Variants in REXO5 observed in about 807,000 individuals in gnomAD.
REXO5 encodes RNA exonuclease 5.
A neutral mutation model predicts 88.5 loss-of-function variants in REXO5; 48 were observed. That is an observed-to-expected ratio of 0.54 (90% confidence interval 0.43 to 0.69). The LOEUF is 0.69. REXO5 is among the 30% of genes least tolerant of loss of function. The probability of loss-of-function intolerance (pLI) is 0.00; values close to 1 mark genes in which losing one functional copy is unlikely to be tolerated. For synonymous variants in REXO5, 311 were observed against 336.5 expected (o/e 0.92, Z 0.83); for missense variants, 749 against 912.2 (o/e 0.82, Z 2.30).
intron 13 of REXO5, among the ~76,000 whole-genome samples, chr16:20,833,970 G>A (rs983886905): frequency 1.3e-5 from 2 of 152,020 alleles, no homozygotes; most frequent in African/African-American, 4.8e-5. Context: ...CATTTCTAGG[G>A]TCATGTATTA....
chr16:20,825,725 G>A, intron 7 of REXO5, 108 bp from the exon 8 acceptor site: 2 of 736,320 alleles, frequency 2.7e-6, no homozygotes, highest in Admixed American at 2.7e-5. Flanking sequence ...TGCCATTGCT[G>A]CAGGGACCCT....
At chr16:20,842,477 T>C (rs941064622) in intron 15 of REXO5, among the ~76,000 whole-genome samples, 2 of 134,926 alleles carry the variant, frequency 1.5e-5, no homozygotes, top group African/African-American at 5.4e-5. Flanking sequence ...CCCTTTGTTT[T>C]GTTTGTTTTT....
intron 5 of REXO5, 58 bp downstream of exon 5, chr16:20,816,270 G>C: frequency 7.2e-7 from 1 of 1,391,142 alleles, no homozygotes; most frequent in Non-Finnish European, 1.0e-6. Flanking sequence ...GGATATGATT[G>C]TAAGTAGGTT....
At chr16:20,840,118 G>C in intron 14 of REXO5, 2 of 523,736 alleles carry the variant, frequency 3.8e-6, no homozygotes, top group East Asian at 5.8e-5. Flanking sequence ...TGTTTTTAAT[G>C]GCTACATAGT....
chr16:20,820,073 T>C (rs1038710677), intron 5 of REXO5, among the ~76,000 whole-genome samples: 3 of 152,166 alleles, frequency 2.0e-5, no homozygotes, highest in African/African-American at 4.8e-5. Flanking sequence ...TTTTTACAAA[T>C]CTTTGAGGTT....
intron 5 of REXO5, among the ~76,000 whole-genome samples, chr16:20,820,531 T>C (rs2081157813): frequency 7.8e-5 from 1 of 12,784 alleles, no homozygotes; most frequent in Non-Finnish European, 1.7e-4. Flanking sequence ...TATATATATA[T>C]ATATATATAT....
intron 8 of REXO5, among the ~76,000 whole-genome samples, chr16:20,826,239 G>A (rs9928854): frequency 0.18 from 27,367 of 152,088 alleles, 2,692 homozygotes; most frequent in African/African-American, 0.27. Context: ...CAAACAGCTA[G>A]AGCTTTGCTT....
rs575210920 is a variant in REXO5, at chr16:20,824,553, T to C, written c.705+26T>C. On this transcript the variant is annotated intron_variant, in intron 7 of 19. Transcript: ENST00000261377. ...GCACGTACTACTTTTAATTTTTCAA[T>C]TGGAGTGTTGCAAGCTGAGGTCTAG... is the stretch of plus-strand genomic sequence containing the variant. The C allele has an allele frequency of 6.5e-5, 91 of 1,401,132 alleles. 2 individuals are homozygous for C. The South Asian group carries it at 6.7e-4, about 10-fold the overall frequency. 86.8% of individuals were successfully genotyped at this position (1,401,132 alleles called of 1,614,324 possible).
intron 13 of REXO5, among the ~76,000 whole-genome samples, chr16:20,838,853 G>T (rs2081480446): frequency 2.0e-5 from 3 of 152,152 alleles, no homozygotes; most frequent in Non-Finnish European, 2.9e-5. Flanking sequence ...AAGATCTGTG[G>T]TGTGGAAGAA....
intron 13 of REXO5, among the ~76,000 whole-genome samples, chr16:20,837,616 C>T (rs973230687): frequency 1.3e-5 from 2 of 152,040 alleles, no homozygotes; most frequent in Non-Finnish European, 2.9e-5. Flanking sequence ...CTTGTAGTTG[C>T]TTTTTCATAT....
At chr16:20,823,724 C>T (rs2081220950) in intron 6 of REXO5, among the ~76,000 whole-genome samples, 1 of 152,198 alleles carries the variant, frequency 6.6e-6, no homozygotes, top group South Asian at 2.1e-4. Context: ...ACCTTTACTG[C>T]TCCAGCCTCT....
At position 20,820,531 on chromosome 16, in the gene REXO5, TATATATATATATA is replaced by T. The variant is rs138683438; in HGVS notation, c.476-1230_476-1218del. Among the ~76,000 whole-genome samples the T allele has an allele frequency of 3.1e-3, 39 of 12,774 alleles. 1 individual carries two copies. The highest frequency in any genetic ancestry group is 9.4e-3 in the African/African-American group (32 of 3,388). The allele number at this position is 12,774 out of a possible 152,430, so 8.4% of individuals were successfully genotyped here. On this transcript the variant is annotated intron_variant, in intron 5 of 19. Transcript: ENST00000261377. ...CTCTCTTTATATATATATATATATA[TATATATATATATA>T]TTTTTTTTTTTTTTTTTTTTTTTTT...
At chr16:20,820,052 C>A (rs1241392861) in intron 5 of REXO5, among the ~76,000 whole-genome samples, 2 of 152,134 alleles carry the variant, frequency 1.3e-5, no homozygotes. Flanking sequence ...TGCACCCAGC[C>A]TCTACTCCAT....
At position 20,814,979 on chromosome 16, in the gene REXO5, C is replaced by A. The variant is rs2081059024; in HGVS notation, c.304C>A (p.Leu102Met). The change falls in exon 4 of 20, where the codon CTG becomes ATG. Residue 102 changes from leucine to methionine, a missense_variant. Coordinates refer to ENST00000261377, the MANE Select transcript of REXO5 (RefSeq NM_030941.3). Reference protein sequence around the residue: ...NHLNNVVVFVLQGMSQLHFYR... With the variant: ...NHLNNVVVFVMQGMSQLHFYR... ...CCTAAACAACGTAGTGGTTTTTGTT[C>A]TGCAGGGAATGAGTCAGCTACACTT... 6.2e-7 allele frequency: 1 copy of A among 1,613,536 alleles called. No homozygotes were observed. Among genetic ancestry groups the A allele is most frequent in the Admixed American group, 1.7e-5 (1 of 59,906 alleles).
chr16:20,820,264 G>A (rs1336335977), intron 5 of REXO5, among the ~76,000 whole-genome samples: 1 of 151,668 alleles, frequency 6.6e-6, no homozygotes. Context: ...GACAAACCAA[G>A]TTTACTCTAC....
At chr16:20,826,546 C>G (rs1290035700) in intron 8 of REXO5, among the ~76,000 whole-genome samples, 2 of 152,190 alleles carry the variant, frequency 1.3e-5, no homozygotes, top group African/African-American at 4.8e-5. Context: ...GTCCTATTAG[C>G]AGACTTGACA....
chr16:20,835,674 C>A (rs568665841), intron 13 of REXO5, among the ~76,000 whole-genome samples: 1 of 151,700 alleles, frequency 6.6e-6, no homozygotes, highest in South Asian at 2.1e-4. Flanking sequence ...ACATGGGCCT[C>A]AAGGGCTCTT....
At chr16:20,822,885 C>T (rs1318393131) in intron 6 of REXO5, among the ~76,000 whole-genome samples, 1 of 152,156 alleles carries the variant, frequency 6.6e-6, no homozygotes, top group Non-Finnish European at 1.5e-5. Flanking sequence ...CACATGCTTT[C>T]ATTTCTGTTG....
At chr16:20,816,930 G>T (rs993694629) in intron 5 of REXO5, among the ~76,000 whole-genome samples, 37 of 152,198 alleles carry the variant, frequency 2.4e-4, no homozygotes, top group Non-Finnish European at 4.9e-4. Flanking sequence ...TTAGATACTA[G>T]CCAGCTGAAA....
Sources: gnomAD v4.1 joint callset for allele counts (sites outside exome capture counted in the v4.1 genomes callset) on GRCh38, gnomAD v4.1.1 for gene constraint, MANE v1.5 for transcripts, NCBI Gene and HGNC (gene_info 2026-07-23, HGNC 2026-07-21) for gene names.